PSME4: variants seen among roughly 807,000 people sequenced by gnomAD.
PSME4 encodes proteasome activator complex subunit 4.
In PSME4, 89 loss-of-function variants were observed where a neutral mutation model predicts 253.9. That is an observed-to-expected ratio of 0.35 (90% CI 0.30 to 0.42). The LOEUF is 0.42. PSME4 is among the 10% of genes least tolerant of loss of function. The pLI is 1.00. For synonymous variants in PSME4, 851 were observed against 759.2 expected, an observed-to-expected ratio of 1.12 and a Z score of -1.99; for missense variants, 2,014 against 2,195.2, an observed-to-expected ratio of 0.92 and a Z score of 1.65.
chr2:53,954,655 A>G (rs1329709041), intron 1 of PSME4, among the ~76,000 whole-genome samples: 3 of 152,064 alleles, frequency 2.0e-5, no homozygotes, highest in African/African-American at 4.8e-5. Context: ...CCTGGCCAAC[A>G]TGGCAAAACC....
chr2:53,904,053 C>T lies in PSME4; in HGVS notation c.3047G>A (p.Arg1016Lys), dbSNP rs1248789572. Reference protein sequence around the residue: ...PLVLEFLRPDRQGVTQQQFKG... With the variant: ...PLVLEFLRPDKQGVTQQQFKG... The stretch of plus-strand genomic sequence containing the variant: ...GAATTGTTGCTGTGTAACACCTTGT[C>T]TATCAGGCCTTAAGAACTCCAAAAC... Residue 1016 changes from arginine to lysine, a missense_variant, in exon 27 of 47, where the codon AGA becomes AAA. Arg to Lys is a conservative substitution (Grantham distance 26). Around this residue, in one of 4 missense-constraint regions of PSME4, gnomAD observed 989 missense variants for 1,021.1 expected, o/e 0.97. Transcript: ENST00000404125. 6.2e-7 allele frequency: 1 copy of T among 1,613,582 alleles called. No homozygotes were observed. The highest frequency in any genetic ancestry group is 1.7e-5 in the Admixed American group (1 of 59,972).
chr2:53,916,220 C>T (rs1668056654), intron 20 of PSME4, among the ~76,000 whole-genome samples: 1 of 109,068 alleles, frequency 9.2e-6, no homozygotes, highest in East Asian at 2.7e-4. Flanking sequence ...ACAGCCTGGG[C>T]AATAGGGCGA....
chr2:53,908,746 C>A (rs1366501656), intron 22 of PSME4, 38 bp downstream of exon 22: 2 of 1,511,436 alleles, frequency 1.3e-6, no homozygotes, highest in East Asian at 2.3e-5. Flanking sequence ...AATACTTATT[C>A]CAAAGTACAA....
chr2:53,914,185 T>G (rs1480328795), intron 20 of PSME4, among the ~76,000 whole-genome samples: 1 of 152,204 alleles, frequency 6.6e-6, no homozygotes, highest in Non-Finnish European at 1.5e-5. Context: ...TAACCCTGTT[T>G]TTTAGATGTT....
chr2:53,943,442 C>T (rs753874739), intron 3 of PSME4, among the ~76,000 whole-genome samples: 3 of 150,496 alleles, frequency 2.0e-5, no homozygotes, highest in Non-Finnish European at 3.0e-5. Flanking sequence ...CATCTCATAT[C>T]TTATCTTCAA....
intron 43 of PSME4, 145 bp from the exon 44 acceptor site, chr2:53,869,683 A>G (rs1678773341): frequency 9.4e-6 from 5 of 530,694 alleles, no homozygotes; most frequent in Non-Finnish European, 1.6e-5. Context: ...GTTTCTTAAT[A>G]GAGATTTCAG....
At position 53,921,033 on chromosome 2, in the gene PSME4, T is replaced by C. The variant is rs1265557472; in HGVS notation, c.2118A>G (p.Leu706=). Residue 706 remains leucine (L), a synonymous_variant, in exon 18 of 47, where the codon CTA becomes CTG. Coordinates refer to ENST00000404125, the MANE Select transcript of PSME4 (RefSeq NM_014614.3). ...EQLVKILQRT[L]HLTCKQGYTL... ...TGTAACCCTGCTTACAGGTTAAATGTAGGGTTCTTTGGAGAATCTTTACAA... is the reference window on the plus strand; with the variant it reads ...TGTAACCCTGCTTACAGGTTAAATGCAGGGTTCTTTGGAGAATCTTTACAA... The C allele has an allele frequency of 2.5e-6, 4 of 1,614,086 alleles. No homozygotes were observed. The highest frequency in any genetic ancestry group is 2.5e-6 in the Non-Finnish European group (3 of 1,180,006).
chr2:53,909,124 A>G (rs538336285), intron 21 of PSME4, among the ~76,000 whole-genome samples: 1 of 152,300 alleles, frequency 6.6e-6, no homozygotes, highest in Admixed American at 6.5e-5. Flanking sequence ...ATGGGGCAAG[A>G]AGGTTGGAGA....
At chr2:53,896,930 C>G in intron 31 of PSME4, 45 bp from the exon 32 acceptor site, 1 of 1,391,226 alleles carries the variant, frequency 7.2e-7, no homozygotes, top group South Asian at 1.2e-5. Flanking sequence ...AAGTTTAAAT[C>G]ACTTAACTGG....
chr2:53,885,595 C>T, intron 41 of PSME4, 95 bp downstream of exon 41: 2 of 811,484 alleles, frequency 2.5e-6, no homozygotes, highest in East Asian at 2.7e-5. Context: ...AATCAAAATT[C>T]ACACTGTCTG....
intron 1 of PSME4, among the ~76,000 whole-genome samples, chr2:53,968,747 G>A (rs1573396269): frequency 6.6e-6 from 1 of 152,308 alleles, no homozygotes; most frequent in African/African-American, 2.4e-5. Context: ...CTGCAATCCA[G>A]CCCTAAACAC....
chr2:53,922,619 C>A, intron 16 of PSME4, 35 bp from the exon 17 acceptor site: 1 of 1,597,110 alleles, frequency 6.3e-7, no homozygotes, highest in Non-Finnish European at 8.5e-7. Flanking sequence ...GGGGAAAAAC[C>A]TATGCATTCA....
intron 24 of PSME4, chr2:53,908,045 GT>G (rs1235075271): frequency 8.9e-6 from 3 of 338,506 alleles, no homozygotes; most frequent in African/African-American, 6.5e-5. Flanking sequence ...ATTCCTTCAA[GT>G]TCTTACAAGG....
In PSME4 at chr2:53,895,576, T is replaced by C; in HGVS notation, c.3842+7A>G. ...TTTAATGATAAGGTGCACAGTAAGT[T>C]ACTTACTTTGGCCAGGTGTAGTATC... On this transcript the variant is annotated splice_region_variant and intron_variant, in intron 33 of 46. Coordinates refer to ENST00000404125, the MANE Select transcript of PSME4 (RefSeq NM_014614.3). 1.9e-6 allele frequency: 3 copies of C among 1,603,912 alleles called. No homozygotes were observed. Among genetic ancestry groups the C allele is most frequent in the Non-Finnish European group, 2.6e-6 (3 of 1,176,208 alleles).
rs558802214 is a variant in PSME4, at chr2:53,967,583, G to A, written c.242+2960C>T. Among the ~76,000 whole-genome samples, 113 of 141,530 alleles carry A rather than the reference G, an allele frequency of 8.0e-4. 1 individual carries two copies. The highest frequency in any genetic ancestry group is 2.8e-3 in the African/African-American group (109 of 38,268). 92.8% of individuals were successfully genotyped at this position (141,530 alleles called of 152,430 possible). On this transcript the variant is annotated intron_variant, in intron 1 of 46. Coordinates refer to ENST00000404125, the MANE Select transcript of PSME4 (RefSeq NM_014614.3). ...TTTGAACCAGGGAGGTGGAGGTGGA[G>A]GTTGCAGTGAGCCACGATAGTGCCA...
At chr2:53,884,412 T>C (rs1205044638) in intron 41 of PSME4, among the ~76,000 whole-genome samples, 1 of 152,196 alleles carries the variant, frequency 6.6e-6, no homozygotes, top group Non-Finnish European at 1.5e-5. Context: ...GGTTTCACCA[T>C]GTTGGCCAGG....
intron 14 of PSME4, among the ~76,000 whole-genome samples, chr2:53,923,878 G>A (rs941087622): frequency 2.2e-5 from 3 of 135,488 alleles, no homozygotes; most frequent in Non-Finnish European, 3.0e-5. Flanking sequence ...AGCCGAGATC[G>A]CGACACTGCA....
rs1258702224 is a variant in PSME4, at chr2:53,866,777, A to G, written c.5367T>C (p.Ser1789=). 6.2e-7 allele frequency: 1 copy of G among 1,613,902 alleles called. No individual in the cohort carries two copies. The highest frequency in any genetic ancestry group is 1.1e-5 in the South Asian group (1 of 91,054). ...TAGGCTGAGGATCATTTAGATGTGC[A>G]CTGAGATTCATGAGGAGCTGGGGCA... is the stretch of plus-strand genomic sequence containing the variant. ...TWMPQLLMNL[S]AHLNDPQPIE... is the part of the protein sequence containing the mutation. Residue 1789 remains serine, a synonymous_variant, in exon 45 of 47, where the codon AGT becomes AGC. Transcript: ENST00000404125.
chr2:53,885,194 C>T (rs916573215), intron 41 of PSME4, among the ~76,000 whole-genome samples: 3 of 152,204 alleles, frequency 2.0e-5, no homozygotes, highest in African/African-American at 7.2e-5. Context: ...ATAAAACCAC[C>T]TCAAGCCATG....
Sources: gnomAD v4.1 joint callset for allele counts (sites outside exome capture counted in the v4.1 genomes callset) on GRCh38, gnomAD v4.1.1 for gene constraint, gnomAD v4.1.1 regional missense constraint, MANE v1.5 for transcripts, NCBI Gene and HGNC (gene_info 2026-07-23, HGNC 2026-07-21) for gene names.